The following PLD5 variants were observed in gnomAD, a reference collection of about 807,000 sequenced individuals.
PLD5 encodes the protein phospholipase D family member 5.
A neutral mutation model predicts 61.1 loss-of-function variants in PLD5; 36 were observed. The ratio of observed to expected loss-of-function variants is 0.59; its 90% confidence interval spans 0.45 to 0.78. PLD5 has a LOEUF of 0.78. PLD5 is among the 30% of genes least tolerant of loss of function. The pLI is 0.00. For synonymous variants in PLD5, 243 were observed against 242.8 expected, an observed-to-expected ratio of 1.00 and a Z score of -0.01; for missense variants, 515 against 644.4, an observed-to-expected ratio of 0.80 and a Z score of 2.17.
chr1:242,118,771 A>G (rs1369242628), intron 6 of PLD5, among the ~76,000 whole-genome samples: 1 of 152,208 alleles, frequency 6.6e-6, no homozygotes, highest in Admixed American at 6.5e-5. Context: ...TATTTGTATC[A>G]GTCCCCTTGC....
At chr1:242,441,047 T>C (rs748991967) in intron 1 of PLD5, among the ~76,000 whole-genome samples, 4 of 152,238 alleles carry the variant, frequency 2.6e-5, no homozygotes, top group Non-Finnish European at 4.4e-5. Context: ...ATGTGAGTTG[T>C]ATTTATTGGT....
intron 8 of PLD5, among the ~76,000 whole-genome samples, chr1:242,106,820 AG>A (rs1245892905): frequency 4.6e-5 from 7 of 152,176 alleles, no homozygotes; most frequent in African/African-American, 1.4e-4. Flanking sequence ...ATGGGGGTTG[AG>A]AAAAGCTGAG....
chr1:242,143,624 G>C (rs776108087), intron 5 of PLD5, among the ~76,000 whole-genome samples: 3 of 152,132 alleles, frequency 2.0e-5, no homozygotes, highest in Non-Finnish European at 4.4e-5. Flanking sequence ...AAACCCCGAG[G>C]AGGGAAAGTC....
intron 9 of PLD5, among the ~76,000 whole-genome samples, chr1:242,092,789 G>T (rs1659935228): frequency 6.6e-6 from 1 of 152,038 alleles, no homozygotes; most frequent in African/African-American, 2.4e-5. Flanking sequence ...TTTGTATTTT[G>T]GTCTCTGCTC....
intron 1 of PLD5, among the ~76,000 whole-genome samples, chr1:242,522,755 G>T (rs977944990): frequency 6.6e-6 from 1 of 152,136 alleles, no homozygotes; most frequent in African/African-American, 2.4e-5. Flanking sequence ...ATGTTTAATG[G>T]ATACGTTGCC....
At chr1:242,433,477 C>T (rs1042686986) in intron 1 of PLD5, among the ~76,000 whole-genome samples, 1 of 152,106 alleles carries the variant, frequency 6.6e-6, no homozygotes, top group Non-Finnish European at 1.5e-5. Context: ...TTGTTTCGCA[C>T]CTTATTTTTT....
chr1:242,195,903 A>C (rs1473960787), intron 5 of PLD5, among the ~76,000 whole-genome samples: 1 of 152,186 alleles, frequency 6.6e-6, no homozygotes, highest in Non-Finnish European at 1.5e-5. Flanking sequence ...ACTCATGTAA[A>C]CTCAAAGATG....
At chr1:242,406,294 A>G (rs1558538440) in intron 1 of PLD5, among the ~76,000 whole-genome samples, 1 of 152,176 alleles carries the variant, frequency 6.6e-6, no homozygotes, top group African/African-American at 2.4e-5. Context: ...CTATGCAAGG[A>G]ATGAGAAAAT....
intron 2 of PLD5, among the ~76,000 whole-genome samples, chr1:242,307,486 T>C (rs1676448642): frequency 6.6e-6 from 1 of 152,152 alleles, no homozygotes; most frequent in African/African-American, 2.4e-5. Flanking sequence ...TTCTCGTTTT[T>C]AAGATGAAGA....
At position 242,318,255 on chromosome 1, in the gene PLD5, G is replaced by A. The variant is rs74152342; in HGVS notation, c.327-29725C>T. Among the ~76,000 whole-genome samples, 362 of 152,268 alleles carry A rather than the reference G, an allele frequency of 2.4e-3. 1 individual carries two copies. The highest frequency in any genetic ancestry group is 8.4e-3 in the African/African-American group (347 of 41,554). The stretch of plus-strand genomic sequence containing the variant: ...ACTTCTTTGCCCAGGATAAAAAGAG[G>A]ACCAGAGGTGGGATGGCCTGCAGAG... On this transcript the variant is annotated intron_variant, in intron 2 of 9. Transcript: ENST00000536534.
At chr1:242,254,542 C>A (rs1672907095) in intron 4 of PLD5, among the ~76,000 whole-genome samples, 1 of 152,072 alleles carries the variant, frequency 6.6e-6, no homozygotes, top group Non-Finnish European at 1.5e-5. Context: ...TTGTGGTGGG[C>A]ACCTGTAATC....
At chr1:242,154,805 C>T (rs991913300) in intron 5 of PLD5, among the ~76,000 whole-genome samples, 1 of 151,998 alleles carries the variant, frequency 6.6e-6, no homozygotes, top group Non-Finnish European at 1.5e-5. Context: ...CTGAAATTTT[C>T]ATTTTTTTGT....
chr1:242,296,394 G>A (rs1403457290), intron 2 of PLD5, among the ~76,000 whole-genome samples: 2 of 152,128 alleles, frequency 1.3e-5, no homozygotes, highest in Non-Finnish European at 1.5e-5. Context: ...ATTGCCATTA[G>A]TCTATTTTTG....
chr1:242,246,570 T>G (rs989086152), intron 4 of PLD5, among the ~76,000 whole-genome samples: 10 of 151,154 alleles, frequency 6.6e-5, no homozygotes, highest in Admixed American at 2.0e-4. Flanking sequence ...TATTAACACT[T>G]TACAGATGTT....
intron 5 of PLD5, among the ~76,000 whole-genome samples, chr1:242,191,324 G>C (rs2148929628): frequency 6.6e-6 from 1 of 152,314 alleles, no homozygotes; most frequent in African/African-American, 2.4e-5. Flanking sequence ...GGTGGCTCAT[G>C]CCTATAATCC....
intron 1 of PLD5, among the ~76,000 whole-genome samples, chr1:242,354,867 T>C (rs1277112932): frequency 6.6e-6 from 1 of 152,126 alleles, no homozygotes; most frequent in Non-Finnish European, 1.5e-5. Context: ...TGTTTCTTTC[T>C]GCATCTAATG....
chr1:242,486,419 T>C (rs1195665246), intron 1 of PLD5, among the ~76,000 whole-genome samples: 1 of 152,134 alleles, frequency 6.6e-6, no homozygotes, highest in Non-Finnish European at 1.5e-5. Context: ...CAGACACTTC[T>C]CAAAAGAAGA....
chr1:242,506,498 C>A (rs1033044983), intron 1 of PLD5, among the ~76,000 whole-genome samples: 1 of 152,052 alleles, frequency 6.6e-6, no homozygotes, highest in Non-Finnish European at 1.5e-5. Flanking sequence ...GAATAATGAG[C>A]TTCCTAGGAA....
intron 1 of PLD5, among the ~76,000 whole-genome samples, chr1:242,517,504 A>T (rs1484861110): frequency 6.6e-6 from 1 of 152,340 alleles, no homozygotes; most frequent in South Asian, 2.1e-4. Context: ...TTCAAATTTC[A>T]TATCAACTTT....
Sources: allele counts gnomAD v4.1 joint callset (sites outside exome capture counted in the v4.1 genomes callset), GRCh38; gene constraint gnomAD v4.1.1; transcripts MANE v1.5; gene names NCBI Gene and HGNC (gene_info 2026-07-23, HGNC 2026-07-21).